GCN1: variants seen among roughly 807,000 people sequenced by gnomAD.
GCN1 encodes GCN1 activator of EIF2AK4, also known as stalled ribosome sensor GCN1.
A neutral mutation model predicts 288.4 loss-of-function variants in GCN1; 90 were observed. The ratio of observed to expected loss-of-function variants is 0.31; its 90% CI spans 0.26 to 0.37. The LOEUF is 0.37. Ranked by LOEUF, GCN1 falls within the 10% of genes least tolerant of loss-of-function variation. The probability of loss-of-function intolerance (pLI) is 1.00; values close to 1 mark genes in which losing one functional copy is unlikely to be tolerated. For synonymous variants in GCN1, 1,386 were observed against 1,420.2 expected (o/e 0.98, Z 0.54); for missense variants, 2,586 against 3,419.9 (o/e 0.76, Z 6.08).
rs1244624465 is a variant in GCN1, at chr12:120,134,933, C to G, written c.7009-207G>C. The stretch of plus-strand genomic sequence containing the variant: ...GTCATATCCAGCATGCTTTGATACA[C>G]TGGAGGAGCAGGAGGCCGAGGAGGC... On this transcript the variant is annotated intron_variant, in intron 51 of 57. Coordinates refer to ENST00000300648, the MANE Select transcript of GCN1 (RefSeq NM_006836.2). This position sits in a 1 kb window ranked among gnomAD's most constrained non-coding sequence, Gnocchi z 5.0. 6.6e-6 allele frequency among the ~76,000 whole-genome samples: 1 copy of G among 152,240 alleles called. No homozygotes were observed. Among genetic ancestry groups the G allele is most frequent in the African/African-American group, 2.4e-5 (1 of 41,460 alleles).
At chr12:120,149,346 A>C (rs1309691473) in intron 36 of GCN1, among the ~76,000 whole-genome samples, 1 of 151,280 alleles carries the variant, frequency 6.6e-6, no homozygotes, top group African/African-American at 2.4e-5. Context: ...ACATAGCGAG[A>C]CTCCATCATT....
intron 9 of GCN1, 71 bp downstream of exon 9, chr12:120,177,376 T>C: frequency 2.6e-6 from 2 of 760,694 alleles, no homozygotes; most frequent in Non-Finnish European, 2.3e-6. Flanking sequence ...ACACTTCTTG[T>C]TGCCAAATAT....
intron 5 of GCN1, among the ~76,000 whole-genome samples, chr12:120,181,579 C>T (rs1167076700): frequency 6.6e-6 from 1 of 151,384 alleles, no homozygotes; most frequent in Non-Finnish European, 1.5e-5. Flanking sequence ...GTGGCTCATG[C>T]CTGTAATCCC....
chr12:120,169,276 C>CAAAAAAAAAAAAAAAAAAAA (rs35819206), intron 15 of GCN1, among the ~76,000 whole-genome samples: 11 of 66,594 alleles, frequency 1.7e-4, no homozygotes, highest in South Asian at 5.4e-4. Flanking sequence ...AACTCCGTCT[C>CAAAAAAAAAAAAAAAAAAAA]AAAAAAAAAA....
In GCN1 at chr12:120,160,199, C is replaced by T; in HGVS notation, c.2493G>A (p.Lys831=). Residue 831 remains lysine (K), a synonymous_variant, in exon 23 of 58, where the codon AAG becomes AAA. Coordinates refer to ENST00000300648, the MANE Select transcript of GCN1 (RefSeq NM_006836.2). ...KEEVQLTSKQ[K]EMLQAQLDRE... ...TGTCTAGCTGGGCCTGCAGCATCTC[C>T]TTCTGCTTGCTGGTCAGCTGCACCT... 6.2e-6 allele frequency: 10 copies of T among 1,612,380 alleles called. No individual in the cohort carries two copies. Among genetic ancestry groups the T allele is most frequent in the Non-Finnish European group, 8.5e-6 (10 of 1,179,996 alleles).
Position 120,175,820 on chromosome 12 carries a change from C to T in GCN1, c.968G>A (p.Arg323Gln), listed in dbSNP as rs540952471. ...GTCACTGCACTGGCGTGCCAGGTTC[C>T]GCAGTGCCAGCACAGCTTCATCCAT... ...RLMDEAVLAL[R>Q]NLARQCSDSS... Residue 323 changes from arginine (R) to glutamine (Q), a missense_variant, in exon 11 of 58, where the codon CGG becomes CAG. By Grantham distance (43) the Arg-to-Gln change is conservative. Coordinates refer to ENST00000300648, the MANE Select transcript of GCN1 (RefSeq NM_006836.2). 40 of 1,613,256 alleles carry T rather than the reference C, an allele frequency of 2.5e-5. 1 individual carries two copies. In the South Asian group the frequency reaches 3.2e-4, roughly 13 times the overall value.
chr12:120,160,309 C>CTGTTGGGGAGGGAGGT, intron 22 of GCN1, 54 bp from the exon 23 acceptor site: 1 of 1,235,274 alleles, frequency 8.1e-7, no homozygotes, highest in Non-Finnish European at 1.2e-6. Flanking sequence ...AGACCTCCCT[C>CTGTTGGGGAGGGAGGT]CCCAACAGAG....
chr12:120,157,876 G>C lies in GCN1; in HGVS notation c.3060C>G (p.Pro1020=), dbSNP rs900603494. The C allele has an allele frequency of 1.2e-6, 2 of 1,613,744 alleles. No individual in the cohort carries two copies. Among genetic ancestry groups the C allele is most frequent in the Admixed American group, 1.7e-5 (1 of 60,012 alleles). ...LTVQAQLRAS[P]NTPPGRVDEN... ...CGTCCACCCGCCCGGGTGGGGTGTT[G>C]GGGGAGGCCCTCAGCTGGGCTTGGA... Residue 1020 remains proline, a synonymous_variant, in exon 26 of 58, where the codon CCC becomes CCG. Coordinates refer to ENST00000300648, the MANE Select transcript of GCN1 (RefSeq NM_006836.2).
chr12:120,170,417 C>T, intron 14 of GCN1, 96 bp from the exon 15 acceptor site: 1 of 1,062,728 alleles, frequency 9.4e-7, no homozygotes, highest in South Asian at 1.5e-5. Context: ...AACCAGACGA[C>T]TAAAACCCTT....
Position 120,164,443 on chromosome 12 carries a change from G to A in GCN1, c.1741C>T (p.Arg581Cys). ...CGAACTGTCTGCTGAGCCTGCCTGCGGACGTGCCAGGTGCGGCTCAGGAGC... is the reference window on the plus strand; with the variant it reads ...CGAACTGTCTGCTGAGCCTGCCTGCAGACGTGCCAGGTGCGGCTCAGGAGC... ...AVLLSRTWHVRRQAQQTVRKL... is the reference protein window; with the variant it reads ...AVLLSRTWHVCRQAQQTVRKL... The change falls in exon 18 of 58, where the codon CGC (arginine) becomes TGC (cysteine). Residue 581 changes from arginine (R) to cysteine (C), a missense_variant. Arg to Cys is a radical substitution (Grantham distance 180, BLOSUM62 -3). Coordinates refer to ENST00000300648, the MANE Select transcript of GCN1 (RefSeq NM_006836.2). The A allele has an allele frequency of 6.2e-7, 1 of 1,614,138 alleles. No individual in the cohort carries two copies. The highest frequency in any genetic ancestry group is 8.5e-7 in the Non-Finnish European group (1 of 1,179,988).
intron 4 of GCN1, 136 bp downstream of exon 4, chr12:120,183,976 C>G (rs1310919666): frequency 2.4e-6 from 2 of 825,868 alleles, no homozygotes; most frequent in African/African-American, 1.7e-5. Flanking sequence ...GTTTCCCAAC[C>G]CTGCTCCTCG....
Position 120,159,858 on chromosome 12 carries a change from C to A in GCN1, c.2716G>T (p.Ala906Ser). 1.2e-6 allele frequency: 2 copies of A among 1,614,194 alleles called. No individual in the cohort carries two copies. The highest frequency in any genetic ancestry group is 1.7e-6 in the Non-Finnish European group (2 of 1,180,014). Residue 906 changes from alanine to serine, a missense_variant, in exon 24 of 58, where the codon GCC (alanine) becomes TCC (serine). Coordinates refer to ENST00000300648, the MANE Select transcript of GCN1 (RefSeq NM_006836.2). ...RIKNPFLSLAACVMPSRLKAL... is the reference protein window; with the variant it reads ...RIKNPFLSLASCVMPSRLKAL... ...TTGAGCCTAGAGGGCATGACACAGG[C>A]AGCCAAGGACAAGAAGGGGTTCTTG...
At position 120,175,809 on chromosome 12, in the gene GCN1, G is replaced by A. The variant is rs767998024; in HGVS notation, c.979C>T (p.Arg327Cys). ...ATGGCCGAAGAGTCACTGCACTGGC[G>A]TGCCAGGTTCCGCAGTGCCAGCACA... The part of the protein sequence containing the change: ...EAVLALRNLA[R>C]QCSDSSAMES... The change falls in exon 11 of 58, where the codon CGC becomes TGC. Residue 327 changes from arginine to cysteine, a missense_variant. Arg to Cys is a radical substitution (Grantham distance 180). This residue lies in a region of GCN1 where 913 missense variants were observed against 1,107.0 expected (regional missense o/e 0.82). Coordinates refer to ENST00000300648, the MANE Select transcript of GCN1 (RefSeq NM_006836.2). 6.8e-6 allele frequency: 11 copies of A among 1,613,304 alleles called. No individual in the cohort carries two copies. Among genetic ancestry groups the A allele is most frequent in the East Asian group, 4.5e-5 (2 of 44,860 alleles).
chr12:120,172,232 G>A (rs755411621), intron 14 of GCN1, among the ~76,000 whole-genome samples: 4 of 152,182 alleles, frequency 2.6e-5, no homozygotes, highest in African/African-American at 4.8e-5. Flanking sequence ...TGTATTGAGC[G>A]TACATTTCTA....
chr12:120,183,654 A>G lies in GCN1; in HGVS notation c.341T>C (p.Leu114Ser). ...VPSKSSGSAALLALTWTCLLV... is the reference protein window; with the variant it reads ...VPSKSSGSAASLALTWTCLLV... The stretch of plus-strand genomic sequence containing the variant: ...GAGGCAGGTCCAGGTCAAGGCCAGC[A>G]AGGCGGCAGAGCCACTGCTCTTACT... The change falls in exon 5 of 58, where the codon TTG becomes TCG. Residue 114 changes from leucine (L) to serine (S), a missense_variant. Around this residue, in one of 8 missense-constraint regions of GCN1, gnomAD observed 913 missense variants for 1,107.0 expected, o/e 0.82. Transcript: ENST00000300648. 1 of 1,612,772 alleles carries G rather than the reference A, an allele frequency of 6.2e-7. No homozygotes were observed. Among genetic ancestry groups the G allele is most frequent in the Non-Finnish European group, 8.5e-7 (1 of 1,178,806 alleles).
intron 31 of GCN1, among the ~76,000 whole-genome samples, chr12:120,154,166 G>A (rs769605131): frequency 2.0e-5 from 3 of 152,218 alleles, no homozygotes; most frequent in Admixed American, 6.5e-5. Flanking sequence ...TCCCCAGAGA[G>A]GAATGTGAGT....
rs1877816551 is a variant in GCN1 at position 120,158,292 on chromosome 12, C to T, written c.2905+168G>A. Reference sequence around the variant, plus strand: ...GGACACCAGTGACAAAAAGTAAACCCTCAACTGGGCTCACTGCAATTCACA... The same window carrying T: ...GGACACCAGTGACAAAAAGTAAACCTTCAACTGGGCTCACTGCAATTCACA... On this transcript the variant is annotated intron_variant, in intron 25 of 57. Transcript: ENST00000300648. This position sits in a 1 kb window ranked among gnomAD's most constrained non-coding sequence, Gnocchi z 4.3. Among the ~76,000 whole-genome samples, 1 of 152,216 alleles carries T rather than the reference C, an allele frequency of 6.6e-6. No homozygotes were observed. The highest frequency in any genetic ancestry group is 1.5e-5 in the Non-Finnish European group (1 of 68,042).
intron 38 of GCN1, 89 bp downstream of exon 38, chr12:120,146,963 T>G (rs538531966): frequency 1.4e-6 from 1 of 702,706 alleles, no homozygotes; most frequent in Non-Finnish European, 2.2e-6. Flanking sequence ...TCCATAACTT[T>G]CCATGTCTAA....
At chr12:120,184,956 C>A in intron 2 of GCN1, 69 bp from the exon 3 acceptor site, 1 of 1,024,326 alleles carries the variant, frequency 9.8e-7, no homozygotes, top group South Asian at 1.3e-5. Flanking sequence ...GTCAGGTATT[C>A]TGCCCAGACA....
Sources: allele counts gnomAD v4.1 joint callset (sites outside exome capture counted in the v4.1 genomes callset), GRCh38; gene constraint gnomAD v4.1.1; regional missense constraint gnomAD v4.1.1; non-coding constraint Gnocchi (gnomAD v3.1); transcripts MANE v1.5; gene names NCBI Gene and HGNC (gene_info 2026-07-23, HGNC 2026-07-21).